Variants in RAPGEF1 observed in about 807,000 individuals in gnomAD.
RAPGEF1 encodes the protein Rap guanine nucleotide exchange factor 1.
RAPGEF1 carries 33 observed loss-of-function variants against 143.3 expected under a neutral mutation model. The observed-to-expected ratio is 0.23, with a 90% CI of 0.17 to 0.31. The LOEUF is 0.31. Ranked by LOEUF, RAPGEF1 falls within the 10% of genes least tolerant of loss-of-function variation. The pLI, the probability that RAPGEF1 is intolerant of heterozygous loss-of-function variation, is 1.00. For missense variants in RAPGEF1, 1,199 were observed against 1,645.4 expected, an observed-to-expected ratio of 0.73 and a Z score of 4.69; for synonymous variants, 629 against 676.5, an observed-to-expected ratio of 0.93 and a Z score of 1.09.
chr9:131,622,218 A>G (rs1158449138), intron 10 of RAPGEF1, among the ~76,000 whole-genome samples: 2 of 152,144 alleles, frequency 1.3e-5, no homozygotes, highest in Non-Finnish European at 2.9e-5. Context: ...CGCAACACCA[A>G]TGGGGAACCC....
chr9:131,652,597 C>CGG (rs1164030902), intron 1 of RAPGEF1, among the ~76,000 whole-genome samples: 1 of 151,952 alleles, frequency 6.6e-6, no homozygotes, highest in East Asian at 1.9e-4. Context: ...CCTAGGTCTA[C>CGG]GGGGGCAGGA....
chr9:131,693,811 C>T (rs1435546790), intron 1 of RAPGEF1, among the ~76,000 whole-genome samples: 1 of 132,280 alleles, frequency 7.6e-6, no homozygotes, highest in Admixed American at 7.7e-5. Flanking sequence ...GTCCCACTGC[C>T]ACCACCCTTA....
At position 131,718,625 on chromosome 9, in the gene RAPGEF1, A is replaced by G. The variant is rs924860236; in HGVS notation, c.61+21145T>C. Among the ~76,000 whole-genome samples, 33 of 152,158 alleles carry G rather than the reference A, an allele frequency of 2.2e-4. 1 individual carries two copies. Among genetic ancestry groups the G allele is most frequent in the Admixed American group, 2.0e-3 (30 of 15,262 alleles). ...GGAGAGAGGAGGCAAGGACACCCTCATTGTTTTCTCATCCAAACCAAGATT... is the reference window on the plus strand; with the variant it reads ...GGAGAGAGGAGGCAAGGACACCCTCGTTGTTTTCTCATCCAAACCAAGATT... On this transcript the variant is annotated intron_variant, in intron 1 of 26. Transcript: ENST00000683357.
At chr9:131,592,838 C>T (rs1954572352) in intron 17 of RAPGEF1, among the ~76,000 whole-genome samples, 1 of 152,200 alleles carries the variant, frequency 6.6e-6, no homozygotes, top group African/African-American at 2.4e-5. Flanking sequence ...GCCACCTCTG[C>T]CTCCTGGGTT....
Position 131,582,639 on chromosome 9 carries a change from G to A in RAPGEF1, c.3478C>T (p.Leu1160Phe). The A allele has an allele frequency of 6.5e-7, 1 of 1,534,358 alleles. No individual in the cohort carries two copies. The highest frequency in any genetic ancestry group is 1.3e-5 in the South Asian group (1 of 79,214). The change falls in exon 25 of 27, where the codon CTC (leucine) becomes TTC (phenylalanine). Residue 1160 changes from leucine to phenylalanine, a missense_variant. Physicochemically the swap from Leu to Phe is conservative, Grantham distance 22 (BLOSUM62 0). This residue lies in a region of RAPGEF1 where 209 missense variants were observed against 403.0 expected (regional missense o/e 0.52). Transcript: ENST00000683357. ...ATGCACGGCGGTTCCACCTCCGAGA[G>A]GGCGGCCCGGTAGGCTCGGAAGGAG... ...SSSFRAYRAA[L>F]SEVEPPCIPY...
At chr9:131,587,032 A>C (rs1953146360) in intron 22 of RAPGEF1, among the ~76,000 whole-genome samples, 1 of 126,286 alleles carries the variant, frequency 7.9e-6, no homozygotes, top group Admixed American at 7.6e-5. Flanking sequence ...ACACACACAC[A>C]CACACACCCC....
chr9:131,599,221 C>T (rs915855371), intron 15 of RAPGEF1, among the ~76,000 whole-genome samples: 1 of 151,338 alleles, frequency 6.6e-6, no homozygotes, highest in African/African-American at 2.4e-5. Flanking sequence ...ACCTCCTGGG[C>T]TCAAGCCATC....
At chr9:131,581,939 G>A (rs1319503807) in intron 25 of RAPGEF1, among the ~76,000 whole-genome samples, 2 of 152,170 alleles carry the variant, frequency 1.3e-5, no homozygotes, top group African/African-American at 4.8e-5. Context: ...TAACCCTATA[G>A]GATGTGCCAT....
At chr9:131,606,320 C>T (rs1200053103) in intron 12 of RAPGEF1, among the ~76,000 whole-genome samples, 1 of 152,180 alleles carries the variant, frequency 6.6e-6, no homozygotes, top group East Asian at 1.9e-4. Context: ...GTCATCGTGT[C>T]CTACAAAGGC....
Position 131,577,115 on chromosome 9 carries a change from G to A in RAPGEF1, c.*2382C>T, listed in dbSNP as rs1485061267. On this transcript the variant is annotated 3_prime_UTR_variant, in exon 27 of 27. Transcript: ENST00000683357. ...CAAAGGAACAGACGAGCCACGGCCA[G>A]GCCGCAGCACTGAGCACAGAGCTCA... The A allele has an allele frequency of 1.3e-5, 2 of 152,412 alleles. No homozygotes were observed. Among genetic ancestry groups the A allele is most frequent in the Non-Finnish European group, 1.5e-5 (1 of 68,194 alleles). The allele number at this position is 152,412 out of a possible 1,614,324, so 9.4% of individuals were successfully genotyped here.
At position 131,605,149 on chromosome 9, in the gene RAPGEF1, G is replaced by A. The variant is rs1395339977; in HGVS notation, c.2101C>T (p.Pro701Ser). 1 of 1,361,376 alleles carries A rather than the reference G, an allele frequency of 7.3e-7. No homozygotes were observed. The allele number at this position is 1,361,376 out of a possible 1,614,324, so 84.3% of individuals were successfully genotyped here. Residue 701 changes from proline to serine, a missense_variant, in exon 13 of 27, where the codon CCT (proline) becomes TCT (serine). Transcript: ENST00000683357. ...VFRSYSQDFV[P>S]HHQASVPPFL... ...GGCGGAACGGAAGCTTGGTGGTGAG[G>A]CACGAAATCCTGGGAGTAGGACCTA...
chr9:131,594,184 G>A (rs189801168), intron 17 of RAPGEF1, among the ~76,000 whole-genome samples: 138 of 152,300 alleles, frequency 9.1e-4, no homozygotes, highest in Non-Finnish European at 1.4e-3. Flanking sequence ...CTTCTGGGAC[G>A]GGCAGTGCTG....
chr9:131,652,975 C>T (rs4255185), intron 1 of RAPGEF1, among the ~76,000 whole-genome samples: 41,463 of 152,070 alleles, frequency 0.27, 5,673 homozygotes, highest in Non-Finnish European at 0.29. Context: ...AGGAATTTTT[C>T]AGCTTTATGA....
At chr9:131,598,085 G>A in intron 16 of RAPGEF1, 114 bp downstream of exon 16, 1 of 867,320 alleles carries the variant, frequency 1.2e-6, no homozygotes, top group East Asian at 2.7e-5. Context: ...TGAAAGACTT[G>A]GTCTCTAAGC....
rs553570416 is a variant in RAPGEF1 at position 131,667,860 on chromosome 9, G to A, written c.62-16911C>T. 5.9e-5 allele frequency among the ~76,000 whole-genome samples: 9 copies of A among 152,316 alleles called. No individual in the cohort carries two copies. Among genetic ancestry groups the A allele is most frequent in the South Asian group, 2.1e-4 (1 of 4,828 alleles). Reference sequence around the variant, plus strand: ...GTAGTGATCTTTACCTCACTGGGCCGTTGGGAGGATGTCATACAGTACTGC... The same window carrying A: ...GTAGTGATCTTTACCTCACTGGGCCATTGGGAGGATGTCATACAGTACTGC... On this transcript the variant is annotated intron_variant, in intron 1 of 26. Coordinates refer to ENST00000683357, the MANE Select transcript of RAPGEF1 (RefSeq NM_001377935.1). This position sits in a 1 kb window ranked among gnomAD's most constrained non-coding sequence, Gnocchi z 4.6.
rs1233904740 is a variant in RAPGEF1, at chr9:131,639,467, T to TGTGTGTGTGTGA, written c.495-677_495-676insTCACACACACAC. ...GTGTGTGTGTGTGTGTGTGTGTGTGTGAGAGAGAGACCACGCTACCAGCTA... is the reference window on the plus strand; with the variant it reads ...GTGTGTGTGTGTGTGTGTGTGTGTGTGTGTGTGTGTGAGAGAGAGAGACCACGCTACCAGCTA... On this transcript the variant is annotated intron_variant, in intron 4 of 26. Coordinates refer to ENST00000683357, the MANE Select transcript of RAPGEF1 (RefSeq NM_001377935.1). Among the ~76,000 whole-genome samples, 101 of 143,320 alleles carry TGTGTGTGTGTGA rather than the reference T, an allele frequency of 7.0e-4. 1 individual carries two copies. The highest frequency in any genetic ancestry group is 2.2e-3 in the African/African-American group (87 of 39,974). The allele number at this position is 143,320 out of a possible 152,430, so 94.0% of individuals were successfully genotyped here. A position where few individuals can be genotyped will look rare whatever the true frequency, so the allele number is the denominator to read the frequency against.
At chr9:131,649,253 T>A (rs922738860) in intron 3 of RAPGEF1, among the ~76,000 whole-genome samples, 1 of 143,590 alleles carries the variant, frequency 7.0e-6, no homozygotes, top group Non-Finnish European at 1.5e-5. Context: ...CGGAGTTTTG[T>A]CATGTTGGCC....
At chr9:131,581,035 G>A (rs888624456) in intron 25 of RAPGEF1, among the ~76,000 whole-genome samples, 1 of 151,966 alleles carries the variant, frequency 6.6e-6, no homozygotes, top group Admixed American at 6.6e-5. Flanking sequence ...ATCCCAACTC[G>A]GGAGGCTGAG....
intron 1 of RAPGEF1, among the ~76,000 whole-genome samples, chr9:131,687,179 C>T (rs1833417354): frequency 6.6e-6 from 1 of 152,032 alleles, no homozygotes; most frequent in Non-Finnish European, 1.5e-5. Context: ...AACTTGCATA[C>T]AGTTTTTTTG....
Sources: gnomAD v4.1 joint callset for allele counts (sites outside exome capture counted in the v4.1 genomes callset) on GRCh38, gnomAD v4.1.1 for gene constraint, gnomAD v4.1.1 regional missense constraint, Gnocchi (gnomAD v3.1) non-coding constraint, MANE v1.5 for transcripts, NCBI Gene and HGNC (gene_info 2026-07-23, HGNC 2026-07-21) for gene names.